Variants in GFOD1 observed in about 807,000 individuals in gnomAD.
The protein encoded by GFOD1 is Gfo/Idh/MocA-like oxidoreductase domain containing 1, also known as glucose-fructose oxidoreductase domain-containing protein 1.
A neutral mutation model predicts 25.4 loss-of-function variants in GFOD1; 9 were observed. That is an observed-to-expected ratio of 0.35 (90% CI 0.21 to 0.62). The LOEUF is 0.62. Among genes scored for constraint, GFOD1 ranks in the 20% least tolerant of loss-of-function variants. GFOD1 has a pLI of 0.72. For missense variants in GFOD1, 403 were observed against 556.9 expected (o/e 0.72, Z 2.78); for synonymous variants, 253 against 245.6 (o/e 1.03, Z -0.28).
intron 1 of GFOD1, among the ~76,000 whole-genome samples, chr6:13,379,907 T>C (rs966951513): frequency 1.3e-5 from 2 of 152,224 alleles, no homozygotes; most frequent in Non-Finnish European, 2.9e-5. Flanking sequence ...ATTGAAATTC[T>C]CACCTGGCAT....
intron 1 of GFOD1, among the ~76,000 whole-genome samples, chr6:13,443,830 A>AC (rs1314701821): frequency 6.6e-6 from 1 of 151,272 alleles, no homozygotes; most frequent in Non-Finnish European, 1.5e-5. Flanking sequence ...AAAAAAAAAA[A>AC]AAAAAAAATC....
At chr6:13,466,753 C>G (rs1421463982) in intron 1 of GFOD1, among the ~76,000 whole-genome samples, 2 of 152,226 alleles carry the variant, frequency 1.3e-5, no homozygotes, top group African/African-American at 4.8e-5. Flanking sequence ...CCCAAACGCC[C>G]ACTGTGCTGA....
chr6:13,383,019 A>T lies in GFOD1; in HGVS notation c.254-17357T>A, dbSNP rs555917770. Among the ~76,000 whole-genome samples the T allele has an allele frequency of 3.9e-5, 6 of 152,324 alleles. No homozygotes were observed. In the East Asian group the frequency reaches 7.7e-4, roughly 20 times the overall value. On this transcript the variant is annotated intron_variant, in intron 1 of 1. Coordinates refer to ENST00000379287, the MANE Select transcript of GFOD1 (RefSeq NM_018988.4). The stretch of plus-strand genomic sequence containing the variant: ...TGATCTCATTCCTTTTTATGGCTAC[A>T]TAGTATTCGAAGGTGTATATGTACC...
chr6:13,458,480 T>C (rs1758230981), intron 1 of GFOD1, among the ~76,000 whole-genome samples: 1 of 152,042 alleles, frequency 6.6e-6, no homozygotes. Context: ...TAATCAATAA[T>C]GCTCTCCACT....
chr6:13,396,382 A>G (rs368732703), intron 1 of GFOD1, among the ~76,000 whole-genome samples: 8 of 152,300 alleles, frequency 5.3e-5, no homozygotes, highest in African/African-American at 1.9e-4. Flanking sequence ...TTTCCAGTGC[A>G]CCTCTCAAAG....
chr6:13,475,675 G>A (rs1046979786), intron 1 of GFOD1, among the ~76,000 whole-genome samples: 1 of 151,056 alleles, frequency 6.6e-6, no homozygotes, highest in Admixed American at 6.6e-5. Flanking sequence ...CCGAGATTAC[G>A]CCATTGCACT....
intron 1 of GFOD1, among the ~76,000 whole-genome samples, chr6:13,415,002 G>A (rs990542781): frequency 2.0e-5 from 3 of 152,196 alleles, no homozygotes; most frequent in African/African-American, 4.8e-5. Context: ...TCCGAGCAGG[G>A]AAGGGAATTA....
chr6:13,383,027 C>T (rs980045664), intron 1 of GFOD1, among the ~76,000 whole-genome samples: 6 of 152,148 alleles, frequency 3.9e-5, no homozygotes, highest in Non-Finnish European at 7.3e-5. Context: ...ACATAGTATT[C>T]GAAGGTGTAT....
At chr6:13,449,681 A>G (rs952611083) in intron 1 of GFOD1, among the ~76,000 whole-genome samples, 14 of 152,274 alleles carry the variant, frequency 9.2e-5, no homozygotes, top group African/African-American at 3.1e-4. Flanking sequence ...AAGATCTGAT[A>G]GTTTTATAAG....
At chr6:13,481,578 C>G (rs1240863835) in intron 1 of GFOD1, among the ~76,000 whole-genome samples, 2 of 151,978 alleles carry the variant, frequency 1.3e-5, no homozygotes. Flanking sequence ...CACACACACA[C>G]ACACACACAC....
intron 1 of GFOD1, among the ~76,000 whole-genome samples, chr6:13,392,159 G>A (rs1261986823): frequency 1.3e-5 from 2 of 151,866 alleles, no homozygotes; most frequent in African/African-American, 4.8e-5. Context: ...CCAGCAGTTC[G>A]AGACCAGCCT....
chr6:13,426,474 C>T (rs1314187481), intron 1 of GFOD1, among the ~76,000 whole-genome samples: 1 of 152,192 alleles, frequency 6.6e-6, no homozygotes, highest in African/African-American at 2.4e-5. Context: ...TACTCTGCTC[C>T]CAGGAAAGTA....
intron 1 of GFOD1, among the ~76,000 whole-genome samples, chr6:13,405,961 G>C (rs2127564546): frequency 6.6e-6 from 1 of 152,224 alleles, no homozygotes; most frequent in South Asian, 2.1e-4. Flanking sequence ...AGGAGCCTGG[G>C]GACATTGGCA....
rs1554201872 is a variant in GFOD1, at chr6:13,409,136, A to AGAAAGAAAG, written c.254-43483_254-43475dup. On this transcript the variant is annotated intron_variant, in intron 1 of 1. Transcript: ENST00000379287. ...AAGAAAGAAAGAAAGAAAGAAAGAA[A>AGAAAGAAAG]GAAAGAAAGAAAGAGAGGAAAGAAA... Among the ~76,000 whole-genome samples, 7 of 39,914 alleles carry AGAAAGAAAG rather than the reference A, an allele frequency of 1.8e-4. 2 individuals carry two copies. The Admixed American group carries it at 1.9e-3, about 11-fold the overall frequency. 26.2% of individuals were successfully genotyped at this position (39,914 alleles called of 152,430 possible). A position where few individuals can be genotyped will look rare whatever the true frequency, so the allele number is the denominator to read the frequency against.
chr6:13,404,915 T>A (rs1785917777), intron 1 of GFOD1, among the ~76,000 whole-genome samples: 1 of 152,216 alleles, frequency 6.6e-6, no homozygotes, highest in South Asian at 2.1e-4. Flanking sequence ...AGGCACCCAA[T>A]GTTTAAAAAT....
rs1757728234 is a variant in GFOD1 at position 13,430,451 on chromosome 6, A to G, written c.253+56187T>C. 6.6e-6 allele frequency among the ~76,000 whole-genome samples: 1 copy of G among 152,286 alleles called. No homozygotes were observed. The highest frequency in any genetic ancestry group is 2.4e-5 in the African/African-American group (1 of 41,554). ...GACTCCACCTCAAAATAAATAAATAAGTAAATAAATAAAAATTAAAAAATA... is the reference window on the plus strand; with the variant it reads ...GACTCCACCTCAAAATAAATAAATAGGTAAATAAATAAAAATTAAAAAATA... On this transcript the variant is annotated intron_variant, in intron 1 of 1. Transcript: ENST00000379287. This position sits in a 1 kb window ranked among gnomAD's most constrained non-coding sequence, Gnocchi z 4.1.
At position 13,485,553 on chromosome 6, in the gene GFOD1, A is replaced by G. The variant is rs143595313; in HGVS notation, c.253+1085T>C. Among the ~76,000 whole-genome samples, 433 of 152,356 alleles carry G rather than the reference A, an allele frequency of 2.8e-3. 1 individual carries two copies. Among genetic ancestry groups the G allele is most frequent in the Non-Finnish European group, 3.9e-3 (268 of 68,038 alleles). ...TTTTCTTGGAATTGTAAGATCAAGC[A>G]ACCTTCCTGGGATTGTTTTAGGTTA... is the stretch of plus-strand genomic sequence containing the variant. On this transcript the variant is annotated intron_variant, in intron 1 of 1. Coordinates refer to ENST00000379287, the MANE Select transcript of GFOD1 (RefSeq NM_018988.4).
At chr6:13,399,507 A>C (rs1267942978) in intron 1 of GFOD1, among the ~76,000 whole-genome samples, 1 of 152,246 alleles carries the variant, frequency 6.6e-6, no homozygotes, top group Non-Finnish European at 1.5e-5. Flanking sequence ...TAGATAAATA[A>C]ATTGTGATAC....
At chr6:13,440,849 T>C (rs1409324563) in intron 1 of GFOD1, among the ~76,000 whole-genome samples, 2 of 152,218 alleles carry the variant, frequency 1.3e-5, no homozygotes, top group Non-Finnish European at 2.9e-5. Flanking sequence ...TTTGCCAAAA[T>C]TTCCCTGGTG....
Sources: gnomAD v4.1 joint callset for allele counts (sites outside exome capture counted in the v4.1 genomes callset) on GRCh38, gnomAD v4.1.1 for gene constraint, Gnocchi (gnomAD v3.1) non-coding constraint, MANE v1.5 for transcripts, NCBI Gene and HGNC (gene_info 2026-07-23, HGNC 2026-07-21) for gene names.